MKLN1: variants seen among roughly 807,000 people sequenced by gnomAD.
MKLN1 encodes the protein muskelin 1, also known as muskelin.
A neutral mutation model predicts 99.0 loss-of-function variants in MKLN1; 18 were observed. The ratio of observed to expected loss-of-function variants is 0.18; its 90% confidence interval spans 0.13 to 0.27. MKLN1 has a LOEUF of 0.27. Among genes scored for constraint, MKLN1 ranks in the 10% least tolerant of loss-of-function variants. The probability of loss-of-function intolerance (pLI) is 1.00; values close to 1 mark genes in which losing one functional copy is unlikely to be tolerated. For synonymous variants in MKLN1, 288 were observed against 293.2 expected, an observed-to-expected ratio of 0.98 and a Z score of 0.18; for missense variants, 621 against 875.9, an observed-to-expected ratio of 0.71 and a Z score of 3.67.
At chr7:131,478,593 TTC>T in intron 16 of MKLN1, 28 bp from the exon 17 acceptor site, 2 of 1,389,568 alleles carry the variant, frequency 1.4e-6, no homozygotes, top group Admixed American at 2.8e-5. Flanking sequence ...AATTTGCTGC[TTC>T]TTTTTTTTTT....
At chr7:131,334,464 T>C (rs1799192856) in intron 1 of MKLN1, among the ~76,000 whole-genome samples, 1 of 152,220 alleles carries the variant, frequency 6.6e-6, no homozygotes, top group African/African-American at 2.4e-5. Context: ...AATTTGAGTC[T>C]ACAGAGCTGA....
At chr7:131,123,022 CAAAA>C (rs59581806) in intron 1 of MKLN1, among the ~76,000 whole-genome samples, 3 of 60,372 alleles carry the variant, frequency 5.0e-5, no homozygotes, top group Admixed American at 5.7e-4. Context: ...GACTCCGTCT[CAAAA>C]AAAAAAAAAA....
At chr7:131,438,382 G>A (rs984606719) in intron 10 of MKLN1, among the ~76,000 whole-genome samples, 1 of 150,536 alleles carries the variant, frequency 6.6e-6, no homozygotes, top group South Asian at 2.1e-4. Context: ...AATGAACTAG[G>A]TGAAATCTAG....
At chr7:131,160,865 T>C (rs75536048) in intron 2 of MKLN1, among the ~76,000 whole-genome samples, 2,615 of 152,102 alleles carry the variant, frequency 0.017, 81 homozygotes, top group African/African-American at 0.061. Context: ...TTTGATCACA[T>C]GTATTACTTA....
At chr7:131,382,715 T>TATTTC (rs1179134417) in intron 2 of MKLN1, among the ~76,000 whole-genome samples, 6 of 48,130 alleles carry the variant, frequency 1.2e-4, no homozygotes, top group African/African-American at 2.2e-4. Flanking sequence ...TAGCTATAGA[T>TATTTC]ATTTTATTTT....
chr7:131,421,108 T>TA (rs1485417632), intron 8 of MKLN1, among the ~76,000 whole-genome samples: 1 of 152,204 alleles, frequency 6.6e-6, no homozygotes, highest in African/African-American at 2.4e-5. Flanking sequence ...GTAGAAAAAC[T>TA]AAATATAGAG....
chr7:131,403,734 A>G (rs1320974387), intron 6 of MKLN1, among the ~76,000 whole-genome samples: 1 of 152,194 alleles, frequency 6.6e-6, no homozygotes, highest in Non-Finnish European at 1.5e-5. Flanking sequence ...CTGCTGGTTT[A>G]TGGAGAAGTC....
chr7:131,347,229 G>A (rs183280607), intron 1 of MKLN1, among the ~76,000 whole-genome samples: 2 of 152,204 alleles, frequency 1.3e-5, no homozygotes, highest in Non-Finnish European at 2.9e-5. Flanking sequence ...CTAAAGAAAG[G>A]CTCAGTTGAA....
chr7:131,201,905 C>A (rs1796733445), intron 2 of MKLN1, among the ~76,000 whole-genome samples: 1 of 152,170 alleles, frequency 6.6e-6, no homozygotes, highest in Non-Finnish European at 1.5e-5. Flanking sequence ...AATTATCATT[C>A]ATTTTGCCTG....
intron 1 of MKLN1, among the ~76,000 whole-genome samples, chr7:131,370,162 A>G (rs1800303160): frequency 6.6e-6 from 1 of 152,174 alleles, no homozygotes; most frequent in African/African-American, 2.4e-5. Context: ...GTATGATATT[A>G]GACAGGAGTT....
chr7:131,459,179 C>T (rs936314148), intron 12 of MKLN1, among the ~76,000 whole-genome samples: 18 of 152,184 alleles, frequency 1.2e-4, no homozygotes, highest in East Asian at 1.9e-4. Context: ...CCCGTCTGTT[C>T]AGATTCTTCT....
chr7:131,274,210 A>T (rs1797928131), intron 3 of MKLN1, among the ~76,000 whole-genome samples: 1 of 152,188 alleles, frequency 6.6e-6, no homozygotes, highest in African/African-American at 2.4e-5. Context: ...TCTCCAAGAT[A>T]ACTGGCAAAA....
chr7:131,145,241 A>G (rs181918089), intron 2 of MKLN1, among the ~76,000 whole-genome samples: 145 of 152,330 alleles, frequency 9.5e-4, no homozygotes, highest in Admixed American at 2.2e-3. Context: ...ATCAAACAAT[A>G]TAGAGTTTAA....
At chr7:131,420,302 T>C (rs1386652260) in intron 8 of MKLN1, among the ~76,000 whole-genome samples, 2 of 151,082 alleles carry the variant, frequency 1.3e-5, no homozygotes, top group Non-Finnish European at 2.9e-5. Flanking sequence ...GGGGAGCACA[T>C]GGTGGCAGGG....
chr7:131,411,356 A>G lies in MKLN1; in HGVS notation c.754A>G (p.Ser252Gly). The change falls in exon 7 of 18, where the codon AGT becomes GGT. Residue 252 changes from serine to glycine, a missense_variant. By Grantham distance (56) the Ser-to-Gly change is moderately conservative. Around this residue, in one of 8 missense-constraint regions of MKLN1, gnomAD observed 361 missense variants for 540.8 expected, o/e 0.67. Transcript: ENST00000352689. ...ISQQEYKPRWSQIIPKSTKGD... is the reference protein window; with the variant it reads ...ISQQEYKPRWGQIIPKSTKGD... ...TCAACAGGAATATAAGCCACGATGG[A>G]GTCAAATCATTCCCAAAAGTACCAA... 1 of 1,611,672 alleles carries G rather than the reference A, an allele frequency of 6.2e-7. No individual in the cohort carries two copies. The highest frequency in any genetic ancestry group is 1.1e-5 in the South Asian group (1 of 91,006).
intron 2 of MKLN1, among the ~76,000 whole-genome samples, chr7:131,161,733 A>G (rs537392731): frequency 1.3e-5 from 2 of 151,548 alleles, no homozygotes; most frequent in African/African-American, 4.8e-5. Flanking sequence ...TTGTATTTTT[A>G]GTAGGGACGG....
chr7:131,286,073 C>T (rs1798127385), intron 3 of MKLN1, among the ~76,000 whole-genome samples: 1 of 152,040 alleles, frequency 6.6e-6, no homozygotes, highest in African/African-American at 2.4e-5. Context: ...GCCTCCACCT[C>T]CCAAGGAGCT....
intron 10 of MKLN1, among the ~76,000 whole-genome samples, chr7:131,439,130 T>C (rs950776668): frequency 1.3e-5 from 2 of 152,308 alleles, no homozygotes; most frequent in Admixed American, 6.5e-5. Flanking sequence ...ACATCCCTGC[T>C]GACACCCTCA....
At chr7:131,446,466 T>C (rs1453602381) in intron 12 of MKLN1, among the ~76,000 whole-genome samples, 1 of 152,258 alleles carries the variant, frequency 6.6e-6, no homozygotes, top group African/African-American at 2.4e-5. Flanking sequence ...TAGTAGTTGC[T>C]TTGCCTGTGA....
Sources: allele counts gnomAD v4.1 joint callset (sites outside exome capture counted in the v4.1 genomes callset), GRCh38; gene constraint gnomAD v4.1.1; regional missense constraint gnomAD v4.1.1; transcripts MANE v1.5; gene names NCBI Gene and HGNC (gene_info 2026-07-23, HGNC 2026-07-21).